Variants in PACSIN2 observed in about 807,000 individuals in gnomAD.
PACSIN2 encodes the protein protein kinase C and casein kinase substrate in neurons 2, also known as protein kinase C and casein kinase substrate in neurons protein 2.
PACSIN2 carries 25 observed loss-of-function variants against 63.8 expected under a neutral mutation model. The observed-to-expected ratio is 0.39, with a 90% CI of 0.29 to 0.55. The LOEUF (loss-of-function observed/expected upper bound fraction) is 0.55. Ranked by LOEUF, PACSIN2 falls within the 20% of genes least tolerant of loss-of-function variation. PACSIN2 has a pLI of 0.62. For synonymous variants in PACSIN2, 255 were observed against 256.2 expected, an observed-to-expected ratio of 1.00 and a Z score of 0.05; for missense variants, 518 against 646.9, an observed-to-expected ratio of 0.80 and a Z score of 2.16.
chr22:42,948,101 A>G (rs541165923), intron 1 of PACSIN2, among the ~76,000 whole-genome samples: 1 of 152,332 alleles, frequency 6.6e-6, no homozygotes, highest in East Asian at 1.9e-4. Flanking sequence ...AGCAGCAAGG[A>G]AAGGCATCCC....
rs981089069 is a variant in PACSIN2, at chr22:42,987,471, C to T, written c.-78+27550G>A. ...AGCAACACACACACACACACACACA[C>T]ACACACACACACACACACACACCCA... On this transcript the variant is annotated intron_variant, in intron 1 of 10. Coordinates refer to ENST00000263246, the MANE Select transcript of PACSIN2 (RefSeq NM_001184970.3). 3.1e-3 allele frequency among the ~76,000 whole-genome samples: 376 copies of T among 120,432 alleles called. 2 individuals are homozygous for T. Among genetic ancestry groups the T allele is most frequent in the African/African-American group, 0.012 (357 of 30,462 alleles). The allele number at this position is 120,432 out of a possible 152,430, so 79.0% of individuals were successfully genotyped here. A position where few individuals can be genotyped will look rare whatever the true frequency, so the allele number is the denominator to read the frequency against.
chr22:42,876,120 T>A lies in PACSIN2; in HGVS notation c.1348+17A>T. The A allele has an allele frequency of 1.9e-6, 3 of 1,599,622 alleles. No homozygotes were observed. Among genetic ancestry groups the A allele is most frequent in the Non-Finnish European group, 2.6e-6 (3 of 1,167,970 alleles). ...TTGGAAGCCCTCCTCCCCTGGATGC[T>A]GGGGGAGCCCACCTACCAGCCTTGA... On this transcript the variant is annotated intron_variant, in intron 10 of 10. Transcript: ENST00000263246.
rs1260516045 is a variant in PACSIN2, at chr22:42,879,153, A to AGCC, written c.922_923insGGC (p.Asp307_Leu308insArg). Reference sequence around the variant, plus strand: ...CTCTCTCCGGCTGAGGGTTCGATTCAGGTCTGCGGACCACTCCTAGGCAAC... The same window carrying AGCC: ...CTCTCTCCGGCTGAGGGTTCGATTCAGCCGGTCTGCGGACCACTCCTAGGCAAC... On this transcript the variant is annotated inframe_insertion, in exon 8 of 11. Coordinates refer to ENST00000263246, the MANE Select transcript of PACSIN2 (RefSeq NM_001184970.3). 1.9e-6 allele frequency: 3 copies of AGCC among 1,613,766 alleles called. No homozygotes were observed. In the African/African-American group the frequency reaches 4.0e-5, roughly 22 times the overall value.
At chr22:42,955,589 C>T (rs1933882585) in intron 1 of PACSIN2, among the ~76,000 whole-genome samples, 1 of 152,222 alleles carries the variant, frequency 6.6e-6, no homozygotes, top group African/African-American at 2.4e-5. Flanking sequence ...TCTTCAACCT[C>T]AGAAGTTCAC....
chr22:42,934,322 G>A (rs574436105), intron 1 of PACSIN2, among the ~76,000 whole-genome samples: 7 of 152,328 alleles, frequency 4.6e-5, no homozygotes, highest in East Asian at 1.9e-4. Context: ...CAATTTCTAC[G>A]GGAAACGCAA....
intron 4 of PACSIN2, among the ~76,000 whole-genome samples, chr22:42,890,614 G>C (rs1000007919): frequency 6.6e-6 from 1 of 152,162 alleles, no homozygotes; most frequent in African/African-American, 2.4e-5. Flanking sequence ...GCTACTCGGA[G>C]GGCTGAGGCA....
At chr22:42,931,605 G>A (rs1932780021) in intron 1 of PACSIN2, among the ~76,000 whole-genome samples, 1 of 152,234 alleles carries the variant, frequency 6.6e-6, no homozygotes, top group African/African-American at 2.4e-5. Flanking sequence ...GAGGAAGGAA[G>A]GAGGAACTGG....
At chr22:42,911,439 C>T (rs934733811) in intron 2 of PACSIN2, among the ~76,000 whole-genome samples, 2 of 151,114 alleles carry the variant, frequency 1.3e-5, no homozygotes, top group African/African-American at 4.9e-5. Context: ...ATGGACTTTC[C>T]ATTAACTAGC....
At chr22:42,996,740 G>A (rs1569364253) in intron 1 of PACSIN2, among the ~76,000 whole-genome samples, 1 of 152,064 alleles carries the variant, frequency 6.6e-6, no homozygotes, top group African/African-American at 2.4e-5. Flanking sequence ...GGCCAAAATG[G>A]ACACACTGAA....
chr22:42,969,486 G>A (rs1921079756), intron 1 of PACSIN2, among the ~76,000 whole-genome samples: 1 of 152,148 alleles, frequency 6.6e-6, no homozygotes, highest in Admixed American at 6.5e-5. Flanking sequence ...TGGAGGCCTT[G>A]GGGAAGAACC....
chr22:42,965,577 G>A (rs1408978672), intron 1 of PACSIN2, among the ~76,000 whole-genome samples: 1 of 152,190 alleles, frequency 6.6e-6, no homozygotes, highest in Non-Finnish European at 1.5e-5. Context: ...ACCACAAAGT[G>A]CCTCAGATTC....
At chr22:42,986,715 C>T (rs1318481711) in intron 1 of PACSIN2, among the ~76,000 whole-genome samples, 1 of 152,070 alleles carries the variant, frequency 6.6e-6, no homozygotes, top group Non-Finnish European at 1.5e-5. Context: ...TGTGCTATGA[C>T]CTGAAGACAA....
intron 1 of PACSIN2, among the ~76,000 whole-genome samples, chr22:42,914,495 G>A (rs1931679403): frequency 6.6e-6 from 1 of 152,224 alleles, no homozygotes; most frequent in Non-Finnish European, 1.5e-5. Context: ...TTGCCCTCCC[G>A]AAGTGCTGGG....
intron 1 of PACSIN2, chr22:42,946,850 A>T (rs1933445239): frequency 1.3e-5 from 2 of 152,250 alleles, no homozygotes. Context: ...CAAATACAGG[A>T]GACATGTGGA....
At chr22:42,919,806 G>GAAAGAA (rs377217576) in intron 1 of PACSIN2, among the ~76,000 whole-genome samples, 72 of 128,316 alleles carry the variant, frequency 5.6e-4, no homozygotes, top group Middle Eastern at 8.8e-3. Flanking sequence ...AAGAAAGAAA[G>GAAAGAA]AAAGAAAAAG....
chr22:42,917,438 C>T (rs575474207), intron 1 of PACSIN2, among the ~76,000 whole-genome samples: 4 of 152,232 alleles, frequency 2.6e-5, no homozygotes, highest in African/African-American at 9.6e-5. Context: ...GAGATCCCAT[C>T]TCTACAAAAA....
At chr22:42,983,664 G>A (rs1326018440) in intron 1 of PACSIN2, among the ~76,000 whole-genome samples, 3 of 152,134 alleles carry the variant, frequency 2.0e-5, no homozygotes, top group African/African-American at 7.2e-5. Context: ...GTCTTGCTAT[G>A]TTGCCCAGGC....
At chr22:42,976,773 A>G (rs1326335701) in intron 1 of PACSIN2, among the ~76,000 whole-genome samples, 1 of 152,200 alleles carries the variant, frequency 6.6e-6, no homozygotes, top group Admixed American at 6.5e-5. Context: ...TCGTCCTTCC[A>G]TCAACCCTAT....
At chr22:42,975,361 A>C (rs1017710506) in intron 1 of PACSIN2, among the ~76,000 whole-genome samples, 4 of 151,694 alleles carry the variant, frequency 2.6e-5, no homozygotes, top group African/African-American at 9.7e-5. Flanking sequence ...GCTCATGCCT[A>C]TAATCCCAGC....
Sources: allele counts gnomAD v4.1 joint callset (sites outside exome capture counted in the v4.1 genomes callset), GRCh38; gene constraint gnomAD v4.1.1; transcripts MANE v1.5; gene names NCBI Gene and HGNC (gene_info 2026-07-23, HGNC 2026-07-21).